NKAP: variants seen among roughly 807,000 people sequenced by gnomAD.
The protein encoded by NKAP is NFKB activating protein.
Under a neutral mutation model 35.6 loss-of-function variants are expected in NKAP, and 4 were observed. That is an observed-to-expected ratio of 0.11 (90% CI 0.06 to 0.26). NKAP has a LOEUF of 0.26. Ranked by LOEUF, NKAP falls within the 10% of genes least tolerant of loss-of-function variation. The pLI is 1.00. For missense variants in NKAP, 238 were observed against 321.9 expected (o/e 0.74, Z 1.99); for synonymous variants, 106 against 119.2 (o/e 0.89, Z 0.72).
intron 1 of NKAP, among the ~76,000 whole-genome samples, chrX:119,942,178 A>G (rs2056796678): frequency 9.0e-6 from 1 of 111,477 alleles, no homozygotes; most frequent in Non-Finnish European, 1.9e-5. Flanking sequence ...ATAGTGATGA[A>G]AAGGACAGGC....
intron 4 of NKAP, among the ~76,000 whole-genome samples, chrX:119,935,788 G>C (rs1447126890): frequency 9.0e-6 from 1 of 111,634 alleles, no homozygotes; most frequent in Admixed American, 9.6e-5. Context: ...CACTACCCCA[G>C]ATAGGGTGCC....
chrX:119,925,929 C>CT (rs1305744041), intron 8 of NKAP, among the ~76,000 whole-genome samples: 3,152 of 46,199 alleles, frequency 0.068, 188 homozygotes, highest in African/African-American at 0.25. Flanking sequence ...ATCCTTTTTT[C>CT]TTTTTTTTTT....
At chrX:119,929,092 C>T (rs951138101) in intron 8 of NKAP, among the ~76,000 whole-genome samples, 9 of 110,671 alleles carry the variant, frequency 8.1e-5, no homozygotes, top group East Asian at 5.7e-4. Context: ...AGAAGGGTTT[C>T]GCCATGTTGC....
At position 119,921,139 on chromosome X, in the gene NKAP, C is replaced by T. The variant is rs2056686587; in HGVS notation, c.*4081G>A. The T allele has an allele frequency of 8.9e-6, 1 of 112,036 alleles. No individual in the cohort carries two copies. Among genetic ancestry groups the T allele is most frequent in the African/African-American group, 3.2e-5 (1 of 30,885 alleles). 9.2% of individuals were successfully genotyped at this position (112,036 alleles called of 1,213,427 possible). On this transcript the variant is annotated 3_prime_UTR_variant, in exon 9 of 9. Transcript: ENST00000371410. ...TGGGCATGCTGCCTTCCACAATACA[C>T]CACTATACTCATGATTGCAGGAGGG...
chrX:119,935,479 A>C (rs1486561716), intron 4 of NKAP, among the ~76,000 whole-genome samples: 1 of 111,867 alleles, frequency 8.9e-6, no homozygotes, highest in Non-Finnish European at 1.9e-5. Flanking sequence ...CCTGAAGGCT[A>C]TGGAGTGCTA....
chrX:119,928,710 G>A (rs1384448392), intron 8 of NKAP, among the ~76,000 whole-genome samples: 1 of 108,857 alleles, frequency 9.2e-6, no homozygotes, highest in African/African-American at 3.4e-5. Context: ...ACAGGTGTCC[G>A]CCACCATGCC....
At chrX:119,926,827 G>A (rs1166144299) in intron 8 of NKAP, among the ~76,000 whole-genome samples, 1 of 106,663 alleles carries the variant, frequency 9.4e-6, no homozygotes, top group Non-Finnish European at 1.9e-5. Flanking sequence ...TTTGGAGGCT[G>A]AGGCAGGCAG....
chrX:119,931,184 C>CA (rs1417815410), intron 7 of NKAP, among the ~76,000 whole-genome samples: 1 of 106,038 alleles, frequency 9.4e-6, no homozygotes, highest in Non-Finnish European at 1.9e-5. Flanking sequence ...GACTCCATCT[C>CA]AAAAAAACAA....
At chrX:119,938,001 A>C (rs1008207602) in intron 2 of NKAP, 1 of 112,838 alleles carries the variant, frequency 8.9e-6, no homozygotes, top group African/African-American at 3.2e-5. Flanking sequence ...GAGAAAAGAA[A>C]TAAGCAAAAA....
chrX:119,941,186 G>T (rs1321581117), intron 1 of NKAP, among the ~76,000 whole-genome samples: 1 of 110,544 alleles, frequency 9.0e-6, no homozygotes, highest in Non-Finnish European at 1.9e-5. Flanking sequence ...ATGTACATAT[G>T]CAAGTTTCAT....
chrX:119,938,445 A>AG (rs1569472360), intron 2 of NKAP, among the ~76,000 whole-genome samples: 1 of 88,207 alleles, frequency 1.1e-5, no homozygotes, highest in African/African-American at 6.6e-5. Context: ...TTTAGTTGAG[A>AG]AAAAATAATT....
In NKAP at chrX:119,921,726, A is replaced by G. The variant is rs2056688828; in HGVS notation, c.*3494T>C. On this transcript the variant is annotated 3_prime_UTR_variant, in exon 9 of 9. Coordinates refer to ENST00000371410, the MANE Select transcript of NKAP (RefSeq NM_024528.4). The stretch of plus-strand genomic sequence containing the variant: ...ATGAAGCTGTTCTTGATGTCACAAT[A>G]TTCATATATCGCAGAATTTCTGCAT... The G allele has an allele frequency of 9.0e-6, 1 of 110,686 alleles. No individual in the cohort carries two copies. Among genetic ancestry groups the G allele is most frequent in the African/African-American group, 3.3e-5 (1 of 30,565 alleles). 9.1% of individuals were successfully genotyped at this position (110,686 alleles called of 1,213,427 possible). A position where few individuals can be genotyped will look rare whatever the true frequency, so the allele number is the denominator to read the frequency against.
rs1157290821 is a variant in NKAP at position 119,923,437 on chromosome X, AT to A, written c.*1782del. On this transcript the variant is annotated 3_prime_UTR_variant, in exon 9 of 9. Transcript: ENST00000371410. ...CTTAGTATATGAAAGACAGTTAAAA[AT>A]ATTTAATATCATTTTAGTTTCTCTT... is the stretch of plus-strand genomic sequence containing the variant. 1 of 112,363 alleles carries A rather than the reference AT, an allele frequency of 8.9e-6. No individual in the cohort carries two copies. The highest frequency in any genetic ancestry group is 1.9e-5 in the Non-Finnish European group (1 of 53,314). The allele number at this position is 112,363 out of a possible 1,213,427, so 9.3% of individuals were successfully genotyped here.
chrX:119,934,383 A>C (rs1263013360), intron 5 of NKAP, 111 bp downstream of exon 5: 1 of 435,014 alleles, frequency 2.3e-6, no homozygotes, highest in Non-Finnish European at 3.4e-6. Context: ...TAGTTAGCTG[A>C]CATCGAACCA....
At chrX:119,931,513 G>GA (rs1256390534) in intron 7 of NKAP, among the ~76,000 whole-genome samples, 2 of 106,335 alleles carry the variant, frequency 1.9e-5, no homozygotes, top group African/African-American at 3.4e-5. Context: ...CTCACAAAAA[G>GA]AAAAAAAAAT....
chrX:119,930,528 T>C (rs2056735044), intron 7 of NKAP, among the ~76,000 whole-genome samples: 1 of 112,144 alleles, frequency 8.9e-6, no homozygotes, highest in Admixed American at 9.6e-5. Flanking sequence ...CCTTAAAAAA[T>C]CCAAAGTATG....
rs2056688396 is a variant in NKAP at position 119,921,586 on chromosome X, G to A, written c.*3634C>T. The A allele has an allele frequency of 9.3e-6, 1 of 107,373 alleles. No homozygotes were observed. The highest frequency in any genetic ancestry group is 1.9e-5 in the Non-Finnish European group (1 of 52,178). The allele number at this position is 107,373 out of a possible 1,213,427, so 8.8% of individuals were successfully genotyped here. A position where few individuals can be genotyped will look rare whatever the true frequency, so the allele number is the denominator to read the frequency against. On this transcript the variant is annotated 3_prime_UTR_variant, in exon 9 of 9. Coordinates refer to ENST00000371410, the MANE Select transcript of NKAP (RefSeq NM_024528.4). Reference sequence around the variant, plus strand: ...AAAATACAATAGCCCTACTACAACTGATTTATGGCTCAGGTGACTAAACAC... The same window carrying A: ...AAAATACAATAGCCCTACTACAACTAATTTATGGCTCAGGTGACTAAACAC...
intron 8 of NKAP, among the ~76,000 whole-genome samples, chrX:119,929,045 T>C (rs915423978): frequency 2.7e-5 from 3 of 110,682 alleles, no homozygotes; most frequent in African/African-American, 6.6e-5. Context: ...TACAGGTGTG[T>C]ACCACCACGT....
Position 119,922,126 on chromosome X carries a change from G to A in NKAP, c.*3094C>T, listed in dbSNP as rs936456882. ...CAAAGTGCTGGGATTATAGGTGTGA[G>A]CCACCACGCCCAGCTGAGAATAAAA... On this transcript the variant is annotated 3_prime_UTR_variant, in exon 9 of 9. Coordinates refer to ENST00000371410, the MANE Select transcript of NKAP (RefSeq NM_024528.4). The A allele has an allele frequency of 1.4e-4, 16 of 111,682 alleles. No individual in the cohort carries two copies. The highest frequency in any genetic ancestry group is 4.8e-4 in the Admixed American group (5 of 10,452). The allele number at this position is 111,682 out of a possible 1,213,427, so 9.2% of individuals were successfully genotyped here.
Sources: allele counts gnomAD v4.1 joint callset (sites outside exome capture counted in the v4.1 genomes callset), GRCh38; gene constraint gnomAD v4.1.1; transcripts MANE v1.5; gene names NCBI Gene and HGNC (gene_info 2026-07-23, HGNC 2026-07-21).